The following DCLK3 variants were observed in gnomAD, a reference collection of about 807,000 sequenced individuals.
The protein encoded by DCLK3 is serine/threonine-protein kinase DCLK3.
DCLK3 carries 30 observed loss-of-function variants against 46.4 expected under a neutral mutation model. The ratio of observed to expected loss-of-function variants is 0.65; its 90% confidence interval spans 0.48 to 0.88. DCLK3 has a LOEUF of 0.88. DCLK3 is among the 40% of genes least tolerant of loss of function. The probability of loss-of-function intolerance (pLI) is 0.00; values close to 1 mark genes in which losing one functional copy is unlikely to be tolerated. For missense variants in DCLK3, 846 were observed against 907.1 expected (o/e 0.93, Z 0.87); for synonymous variants, 401 against 339.2 (o/e 1.18, Z -2.00).
At chr3:36,742,267 A>G (rs1043468570) in intron 1 of DCLK3, among the ~76,000 whole-genome samples, 1 of 152,158 alleles carries the variant, frequency 6.6e-6, no homozygotes, top group African/African-American at 2.4e-5. Flanking sequence ...AATGGTACCC[A>G]GAGCTGGGTA....
chr3:36,735,473 T>G (rs1701249597), intron 2 of DCLK3, among the ~76,000 whole-genome samples: 1 of 152,234 alleles, frequency 6.6e-6, no homozygotes, highest in South Asian at 2.1e-4. Flanking sequence ...GTGGTCAATG[T>G]AGACCTCATT....
At position 36,751,088 on chromosome 3, in the gene DCLK3, TC is replaced by T. The variant is rs779039419; in HGVS notation, c.83-12005del. Among the ~76,000 whole-genome samples, 433 of 62,996 alleles carry T rather than the reference TC, an allele frequency of 6.9e-3. 2 individuals are homozygous for T. The Middle Eastern group carries it at 0.096, about 14-fold the overall frequency. 41.3% of individuals were successfully genotyped at this position (62,996 alleles called of 152,430 possible). On this transcript the variant is annotated intron_variant, in intron 1 of 4. Coordinates refer to ENST00000636136, the MANE Select transcript of DCLK3 (RefSeq NM_001394672.2). ...TAAAAAAAAAAAAAAAAAAAAAAAC[TC>T]CCCGAAGTGTATTAAGATTCCAAAC...
chr3:36,758,623 T>C (rs1337891102), intron 1 of DCLK3, among the ~76,000 whole-genome samples: 7 of 152,242 alleles, frequency 4.6e-5, no homozygotes, highest in Non-Finnish European at 1.0e-4. Context: ...GCAGGTGCCC[T>C]AATCATGGCC....
chr3:36,744,890 A>G (rs747929837), intron 1 of DCLK3, among the ~76,000 whole-genome samples: 11 of 152,254 alleles, frequency 7.2e-5, no homozygotes, highest in Non-Finnish European at 1.6e-4. Context: ...CATCGACCCT[A>G]GGATGCTCTG....
chr3:36,718,947 C>T (rs116392958), intron 3 of DCLK3, among the ~76,000 whole-genome samples: 1,740 of 152,154 alleles, frequency 0.011, 35 homozygotes, highest in African/African-American at 0.038. Flanking sequence ...ATTTTATTTA[C>T]TGAATATTAT....
chr3:36,737,789 G>A lies in DCLK3; in HGVS notation c.1378C>T (p.Arg460Ter), dbSNP rs753035174. The change falls in exon 2 of 5, where the codon CGA becomes TGA. Residue 460 changes from arginine to a stop codon, truncating the protein, a stop_gained. Transcript: ENST00000636136. LOFTEE classifies it high-confidence loss of function. This position sits in a 1 kb window ranked among gnomAD's most constrained non-coding sequence, Gnocchi z 4.4. ...QAGFEKLRRT[R>*]GEEKEAEKEK... ...TTCTCTGCCTCCTTCTCTTCTCCTC[G>A]GGTCCTGCGGAGCTTCTCAAAGCCC... The A allele has an allele frequency of 4.3e-6, 7 of 1,613,846 alleles. No homozygotes were observed. The highest frequency in any genetic ancestry group is 4.2e-6 in the Non-Finnish European group (5 of 1,180,020).
At chr3:36,717,863 C>T (rs1381499580) in intron 4 of DCLK3, 147 bp downstream of exon 4, 2 of 1,091,778 alleles carry the variant, frequency 1.8e-6, no homozygotes, top group Admixed American at 4.4e-5. Context: ...GCTACACAAA[C>T]CTACATGAAG....
intron 1 of DCLK3, among the ~76,000 whole-genome samples, chr3:36,747,485 T>C (rs547518558): frequency 1.3e-5 from 2 of 152,016 alleles, no homozygotes; most frequent in South Asian, 4.1e-4. Context: ...TATATGTATA[T>C]ATATGAGAAA....
intron 3 of DCLK3, 48 bp downstream of exon 3, chr3:36,721,479 T>C: frequency 6.3e-7 from 1 of 1,589,534 alleles, no homozygotes; most frequent in Non-Finnish European, 8.6e-7. Flanking sequence ...AATGAAACAT[T>C]TGTTAGTAAG....
intron 2 of DCLK3, among the ~76,000 whole-genome samples, chr3:36,722,230 A>T (rs1357961160): frequency 1.3e-5 from 2 of 152,190 alleles, no homozygotes; most frequent in Non-Finnish European, 2.9e-5. Flanking sequence ...GGAGATAGGG[A>T]CGGTTAATTG....
intron 1 of DCLK3, among the ~76,000 whole-genome samples, chr3:36,760,697 C>G (rs1383910700): frequency 1.3e-5 from 2 of 152,156 alleles, no homozygotes; most frequent in African/African-American, 4.8e-5. Flanking sequence ...AGGCCCCACC[C>G]TAGACCTCCT....
intron 1 of DCLK3, among the ~76,000 whole-genome samples, chr3:36,750,683 G>C (rs1284893676): frequency 1.3e-5 from 2 of 152,226 alleles, no homozygotes; most frequent in Non-Finnish European, 2.9e-5. Context: ...TGCAAGGATA[G>C]TAGCCCAGTT....
At chr3:36,736,030 A>C (rs1701258168) in intron 2 of DCLK3, among the ~76,000 whole-genome samples, 1 of 152,264 alleles carries the variant, frequency 6.6e-6, no homozygotes, top group African/African-American at 2.4e-5. Flanking sequence ...AACGTGCCAG[A>C]GGGTGACAGT....
At chr3:36,743,174 C>T (rs929721981) in intron 1 of DCLK3, among the ~76,000 whole-genome samples, 2 of 150,260 alleles carry the variant, frequency 1.3e-5, no homozygotes, top group South Asian at 2.1e-4. Context: ...TGAGCACTGA[C>T]ATTCCTACCA....
chr3:36,719,428 G>A (rs1312871551), intron 3 of DCLK3, among the ~76,000 whole-genome samples: 4 of 152,136 alleles, frequency 2.6e-5, no homozygotes, highest in Non-Finnish European at 5.9e-5. Context: ...GACCTCTTTT[G>A]GTCTTTTCTC....
rs1297249361 is a variant in DCLK3 at position 36,715,274 on chromosome 3, C to G, written c.*54G>C. The G allele has an allele frequency of 3.0e-5, 48 of 1,588,030 alleles. No individual in the cohort carries two copies. The East Asian group carries it at 1.1e-3, about 36-fold the overall frequency. ...ATTGTTTTTCTCTCAAACTTCTATCCTTTTCTCTGTCCTTGAGCAGAACTG... is the reference window on the plus strand; with the variant it reads ...ATTGTTTTTCTCTCAAACTTCTATCGTTTTCTCTGTCCTTGAGCAGAACTG... On this transcript the variant is annotated 3_prime_UTR_variant, in exon 5 of 5. Coordinates refer to ENST00000636136, the MANE Select transcript of DCLK3 (RefSeq NM_001394672.2).
Position 36,737,198 on chromosome 3 carries a change from C to A in DCLK3, c.1959+10G>T, listed in dbSNP as rs758129013. 2.5e-6 allele frequency: 4 copies of A among 1,609,574 alleles called. No homozygotes were observed. In the East Asian group the frequency reaches 6.7e-5, roughly 27 times the overall value. The stretch of plus-strand genomic sequence containing the variant: ...CACCCTCTCCCATATCATCAAAAGT[C>A]AAGGCTTACCAAAAGGTTTTCCGGC... On this transcript the variant is annotated intron_variant, in intron 2 of 4. Coordinates refer to ENST00000636136, the MANE Select transcript of DCLK3 (RefSeq NM_001394672.2). The surrounding 1 kb of genome is among the most constrained non-coding windows in gnomAD (Gnocchi z 4.4).
rs895719609 is a variant in DCLK3, at chr3:36,737,135, A to G, written c.1959+73T>C. 8 of 1,513,784 alleles carry G rather than the reference A, an allele frequency of 5.3e-6. No homozygotes were observed. The highest frequency in any genetic ancestry group is 4.7e-5 in the East Asian group (2 of 42,878). The allele number at this position is 1,513,784 out of a possible 1,614,324, so 93.8% of individuals were successfully genotyped here. The stretch of plus-strand genomic sequence containing the variant: ...CTAGTGTGTAAAGGTGACAGAGTAT[A>G]AAACAATTAATATCAATTTTATCCC... On this transcript the variant is annotated intron_variant, in intron 2 of 4. Coordinates refer to ENST00000636136, the MANE Select transcript of DCLK3 (RefSeq NM_001394672.2). The surrounding 1 kb of genome is among the most constrained non-coding windows in gnomAD (Gnocchi z 4.4).
intron 1 of DCLK3, among the ~76,000 whole-genome samples, chr3:36,744,966 G>T (rs1047417158): frequency 6.6e-6 from 1 of 152,162 alleles, no homozygotes; most frequent in Non-Finnish European, 1.5e-5. Context: ...GCCTCTAATA[G>T]GTTTGATGCT....
Sources: gnomAD v4.1 joint callset for allele counts (sites outside exome capture counted in the v4.1 genomes callset) on GRCh38, gnomAD v4.1.1 for gene constraint, Gnocchi (gnomAD v3.1) non-coding constraint, MANE v1.5 for transcripts, NCBI Gene and HGNC (gene_info 2026-07-23, HGNC 2026-07-21) for gene names.